The following FAAH2 variants were observed in gnomAD, a reference collection of about 807,000 sequenced individuals.
The protein encoded by FAAH2 is fatty-acid amide hydrolase 2.
FAAH2 carries 60 observed loss-of-function variants against 36.9 expected under a neutral mutation model. The ratio of observed to expected loss-of-function variants is 1.63; its 90% confidence interval spans 1.32 to 2.02. The LOEUF (loss-of-function observed/expected upper bound fraction) is 2.02. Among genes scored for constraint, FAAH2 ranks in the 30% most tolerant of loss-of-function variants. FAAH2 has a pLI of 0.00. For synonymous variants in FAAH2, 214 were observed against 143.8 expected (o/e 1.49, Z -3.49); for missense variants, 689 against 397.5 (o/e 1.73, Z -6.23).
the FAAH2 span, among the ~76,000 whole-genome samples, chrX:57,276,410 A>G: frequency 2.8e-3 from 309 of 112,215 alleles, no homozygotes; most frequent in African/African-American, 9.4e-3. Flanking sequence ...AATCTTTGTG[A>G]CACATTTAAA....
the FAAH2 span, among the ~76,000 whole-genome samples, chrX:57,167,769 A>T: frequency 1.2e-4 from 13 of 111,403 alleles, no homozygotes; most frequent in South Asian, 1.1e-3. Context: ...GCAGAAAAAA[A>T]ATATATACTA....
At chrX:57,401,554 G>C (rs1371299989) in intron 7 of FAAH2, among the ~76,000 whole-genome samples, 3 of 111,323 alleles carry the variant, frequency 2.7e-5, no homozygotes, top group Non-Finnish European at 3.8e-5. Context: ...TGTCCGTTGG[G>C]TTTCTGTACT....
chrX:57,456,101 A>T (rs974014644), intron 10 of FAAH2, among the ~76,000 whole-genome samples: 2 of 112,061 alleles, frequency 1.8e-5, no homozygotes, highest in Non-Finnish European at 3.8e-5. Flanking sequence ...CATACCAAGC[A>T]AACTCTCAGA....
At chrX:57,447,188 T>C in intron 9 of FAAH2, 149 bp downstream of exon 9, 1 of 395,764 alleles carries the variant, frequency 2.5e-6, no homozygotes, top group East Asian at 4.2e-5. Flanking sequence ...CTCCTTTGAC[T>C]CCATGTCTCA....
At chrX:57,415,324 C>T (rs1216930915) in intron 7 of FAAH2, among the ~76,000 whole-genome samples, 1 of 111,362 alleles carries the variant, frequency 9.0e-6, no homozygotes, top group African/African-American at 3.3e-5. Context: ...GTTAGGGTGT[C>T]GATTTTAGAT....
At chrX:57,255,027 C>G in the FAAH2 span, among the ~76,000 whole-genome samples, 193 of 110,695 alleles carry the variant, frequency 1.7e-3, no homozygotes, top group African/African-American at 6.0e-3. Flanking sequence ...GACCACTAGC[C>G]TAGCAAGACT....
chrX:57,472,264 G>A lies in FAAH2; in HGVS notation c.1424-16493G>A, dbSNP rs151138631. Among the ~76,000 whole-genome samples, 435 of 111,990 alleles carry A rather than the reference G, an allele frequency of 3.9e-3. 2 individuals are homozygous for A. Among genetic ancestry groups the A allele is most frequent in the African/African-American group, 0.014 (420 of 30,890 alleles). On this transcript the variant is annotated intron_variant, in intron 10 of 10. Transcript: ENST00000374900. Reference sequence around the variant, plus strand: ...AAATGGAATCTAATTATACTAAGGCGCTTCTGCACAGCCAAAGAAACTACC... The same window carrying A: ...AAATGGAATCTAATTATACTAAGGCACTTCTGCACAGCCAAAGAAACTACC...
intron 10 of FAAH2, among the ~76,000 whole-genome samples, chrX:57,465,281 T>G (rs1024507667): frequency 9.0e-6 from 1 of 111,262 alleles, no homozygotes; most frequent in Non-Finnish European, 1.9e-5. Context: ...CATACTAATA[T>G]ATGCATATGG....
At chrX:57,245,579 T>C in the FAAH2 span, among the ~76,000 whole-genome samples, 1 of 111,883 alleles carries the variant, frequency 8.9e-6, no homozygotes, top group Admixed American at 9.5e-5. Flanking sequence ...AGAAACTCAC[T>C]CGAAACCCCA....
rs1451249815 is a variant in FAAH2, at chrX:57,459,800, A to G, written c.1423+11082A>G. 2.7e-5 allele frequency among the ~76,000 whole-genome samples: 3 copies of G among 111,969 alleles called. No individual in the cohort carries two copies. In the East Asian group the frequency reaches 8.5e-4, roughly 32 times the overall value. On this transcript the variant is annotated intron_variant, in intron 10 of 10. Coordinates refer to ENST00000374900, the MANE Select transcript of FAAH2 (RefSeq NM_174912.4). ...CTAACAAAAAGAAAGCAACAACATC[A>G]ACATCAGCATAAAGAAACCCTTACA...
At chrX:57,447,604 C>A (rs911177619) in intron 9 of FAAH2, among the ~76,000 whole-genome samples, 1 of 112,313 alleles carries the variant, frequency 8.9e-6, no homozygotes, top group South Asian at 3.7e-4. Context: ...CACCCACAGG[C>A]CCAACACCAC....
chrX:57,445,657 C>G (rs1380993199), intron 8 of FAAH2, among the ~76,000 whole-genome samples: 2 of 111,921 alleles, frequency 1.8e-5, no homozygotes, highest in Non-Finnish European at 3.8e-5. Flanking sequence ...CTTCAGGAAT[C>G]TCCTTGTTGC....
intron 3 of FAAH2, among the ~76,000 whole-genome samples, 175 bp from the exon 4 acceptor site, chrX:57,331,423 C>A (rs2053402570): frequency 9.0e-6 from 1 of 110,620 alleles, no homozygotes; most frequent in African/African-American, 3.3e-5. Flanking sequence ...CCTCCATCCA[C>A]CCTCAATGCC....
At chrX:57,449,364 G>T (rs1490261619) in intron 10 of FAAH2, among the ~76,000 whole-genome samples, 2 of 111,538 alleles carry the variant, frequency 1.8e-5, no homozygotes, top group Admixed American at 1.9e-4. Flanking sequence ...TAAACCTGTG[G>T]TCCACTTAAA....
At chrX:57,387,979 C>T (rs1220048759) in intron 7 of FAAH2, among the ~76,000 whole-genome samples, 1 of 110,359 alleles carries the variant, frequency 9.1e-6, no homozygotes, top group East Asian at 2.8e-4. Context: ...CAGAAAAATA[C>T]CATGTTTTAG....
At chrX:57,475,407 C>T (rs1186419577) in intron 10 of FAAH2, among the ~76,000 whole-genome samples, 1 of 112,069 alleles carries the variant, frequency 8.9e-6, no homozygotes, top group South Asian at 3.7e-4. Context: ...CTGTTTTCTG[C>T]ATATGGCTAG....
At chrX:57,187,453 A>C in the FAAH2 span, among the ~76,000 whole-genome samples, 37 of 111,261 alleles carry the variant, frequency 3.3e-4, no homozygotes, top group Non-Finnish European at 6.8e-4. Flanking sequence ...CATTAGCTTA[A>C]GGAGTTTTTG....
At chrX:57,355,803 C>T (rs1325353338) in intron 5 of FAAH2, among the ~76,000 whole-genome samples, 1 of 110,920 alleles carries the variant, frequency 9.0e-6, no homozygotes, top group Admixed American at 9.6e-5. Flanking sequence ...ATTATTCTGA[C>T]TAGAACTTTC....
intron 5 of FAAH2, among the ~76,000 whole-genome samples, chrX:57,363,729 G>A (rs775170704): frequency 9.0e-6 from 1 of 110,545 alleles, no homozygotes; most frequent in Non-Finnish European, 1.9e-5. Flanking sequence ...ATTATTTTGA[G>A]GTATGTTCTA....
Sources: gnomAD v4.1 joint callset for allele counts (sites outside exome capture counted in the v4.1 genomes callset) on GRCh38, gnomAD v4.1.1 for gene constraint, MANE v1.5 for transcripts, NCBI Gene and HGNC (gene_info 2026-07-23, HGNC 2026-07-21) for gene names.